Variants in DCC observed in about 807,000 individuals in gnomAD.
DCC encodes netrin receptor DCC.
DCC carries 58 observed loss-of-function variants against 172.5 expected under a neutral mutation model. That is an observed-to-expected ratio of 0.34 (90% CI 0.27 to 0.42). The LOEUF (loss-of-function observed/expected upper bound fraction) is 0.42. Ranked by LOEUF, DCC falls within the 10% of genes least tolerant of loss-of-function variation. DCC has a pLI of 1.00. For synonymous variants in DCC, 709 were observed against 644.5 expected, an observed-to-expected ratio of 1.10 and a Z score of -1.52; for missense variants, 1,740 against 1,791.0, an observed-to-expected ratio of 0.97 and a Z score of 0.51.
chr18:52,736,047 T>A (rs914163744), intron 1 of DCC, among the ~76,000 whole-genome samples: 1 of 152,034 alleles, frequency 6.6e-6, no homozygotes, highest in Non-Finnish European at 1.5e-5. Context: ...TTAAACAGTG[T>A]GAGAAAAAGA....
chr18:53,485,991 T>G (rs535688428), intron 25 of DCC, among the ~76,000 whole-genome samples: 2 of 152,216 alleles, frequency 1.3e-5, no homozygotes, highest in East Asian at 3.9e-4. Flanking sequence ...GGTAGCTGAC[T>G]TAAATTTTGC....
chr18:52,957,409 TC>T (rs1273240393), intron 5 of DCC, among the ~76,000 whole-genome samples: 1 of 152,092 alleles, frequency 6.6e-6, no homozygotes, highest in Non-Finnish European at 1.5e-5. Context: ...TTGAGCTAGT[TC>T]TTAAAATATT....
chr18:53,270,710 C>A (rs2056739102), intron 12 of DCC, among the ~76,000 whole-genome samples: 1 of 151,982 alleles, frequency 6.6e-6, no homozygotes, highest in Admixed American at 6.6e-5. Flanking sequence ...CCATTGTTAT[C>A]TTTTTAAAAT....
chr18:53,499,505 A>G lies in DCC; in HGVS notation c.4106A>G (p.Gln1369Arg), dbSNP rs1404034724. The change falls in exon 27 of 29, where the codon CAG becomes CGG. Residue 1369 changes from glutamine to arginine, a missense_variant. Gln to Arg is a conservative substitution (Grantham distance 43, BLOSUM62 1). Around this residue, in one of 2 missense-constraint regions of DCC, gnomAD observed 1,732 missense variants for 1,767.4 expected, o/e 0.98. Coordinates refer to ENST00000442544, the MANE Select transcript of DCC (RefSeq NM_005215.4). Reference protein sequence around the residue: ...PKVPYTPLLSQPGPTLPKTHV... With the variant: ...PKVPYTPLLSRPGPTLPKTHV... ...GTCCCTTACACACCACTTTTGTCTCAGCCAGGTAAAGTACTCGGTTGTTCA... is the reference window on the plus strand; with the variant it reads ...GTCCCTTACACACCACTTTTGTCTCGGCCAGGTAAAGTACTCGGTTGTTCA... The G allele has an allele frequency of 1.2e-6, 2 of 1,612,362 alleles. No individual in the cohort carries two copies. Among genetic ancestry groups the G allele is most frequent in the African/African-American group, 1.3e-5 (1 of 74,894 alleles).
At chr18:53,417,289 A>T (rs1269847345) in intron 21 of DCC, among the ~76,000 whole-genome samples, 1 of 152,202 alleles carries the variant, frequency 6.6e-6, no homozygotes, top group East Asian at 1.9e-4. Flanking sequence ...TATACTATGC[A>T]GCTGCTTAAC....
At chr18:53,414,912 C>A (rs1274963205) in intron 20 of DCC, among the ~76,000 whole-genome samples, 2 of 152,082 alleles carry the variant, frequency 1.3e-5, no homozygotes, top group Non-Finnish European at 2.9e-5. Flanking sequence ...ATCAAGATAT[C>A]TTTTCATAGA....
Position 52,821,334 on chromosome 18 carries a change from C to T in DCC, c.412+68960C>T, listed in dbSNP as rs115479328. On this transcript the variant is annotated intron_variant, in intron 2 of 28. Coordinates refer to ENST00000442544, the MANE Select transcript of DCC (RefSeq NM_005215.4). ...AACCGAGGTGTATTCCTCTCTTCCC[C>T]TCCTTCATCATTTGCTTCACTATAT... Among the ~76,000 whole-genome samples the T allele has an allele frequency of 3.4e-3, 523 of 152,296 alleles. 1 individual carries two copies. The highest frequency in any genetic ancestry group is 6.8e-3 in the Middle Eastern group (2 of 294).
At chr18:52,884,626 T>A (rs545294967) in intron 2 of DCC, among the ~76,000 whole-genome samples, 1 of 152,352 alleles carries the variant, frequency 6.6e-6, no homozygotes, top group African/African-American at 2.4e-5. Context: ...TTGTTGAGTT[T>A]CTTCAAAACA....
chr18:52,408,278 G>A (rs527606338), intron 1 of DCC, among the ~76,000 whole-genome samples: 1 of 151,348 alleles, frequency 6.6e-6, no homozygotes, highest in South Asian at 2.1e-4. Flanking sequence ...TTCAACACCA[G>A]TTTTTTATAT....
chr18:53,334,162 G>T (rs11872471), intron 14 of DCC, among the ~76,000 whole-genome samples: 24,083 of 152,020 alleles, frequency 0.16, 2,356 homozygotes, highest in African/African-American at 0.27. Flanking sequence ...GCAATTTTAT[G>T]GTCTCCATGT....
chr18:53,206,445 A>C (rs932956620), intron 10 of DCC, among the ~76,000 whole-genome samples: 5 of 125,856 alleles, frequency 4.0e-5, no homozygotes, highest in South Asian at 2.4e-4. Context: ...ATATACATAT[A>C]TGTGTATATG....
At chr18:52,998,766 A>T (rs1229402491) in intron 5 of DCC, among the ~76,000 whole-genome samples, 1 of 151,972 alleles carries the variant, frequency 6.6e-6, no homozygotes, top group Non-Finnish European at 1.5e-5. Flanking sequence ...CCCTAGGATC[A>T]CTTTTACTGA....
chr18:52,416,319 T>C (rs1208401464), intron 1 of DCC, among the ~76,000 whole-genome samples: 1 of 151,710 alleles, frequency 6.6e-6, no homozygotes, highest in Non-Finnish European at 1.5e-5. Context: ...GGAATAGGTG[T>C]GGTGTGGTGC....
intron 12 of DCC, among the ~76,000 whole-genome samples, chr18:53,247,360 A>G (rs1186081920): frequency 2.0e-5 from 3 of 152,004 alleles, no homozygotes; most frequent in Non-Finnish European, 4.4e-5. Flanking sequence ...GACATCCCAT[A>G]AAATGTTGTA....
chr18:52,659,639 A>G (rs1488006096), intron 1 of DCC, among the ~76,000 whole-genome samples: 1 of 152,212 alleles, frequency 6.6e-6, no homozygotes, highest in Non-Finnish European at 1.5e-5. Flanking sequence ...GGAATGAATT[A>G]AATAATTTAG....
chr18:52,903,979 T>A (rs1279753962), intron 2 of DCC, among the ~76,000 whole-genome samples: 1 of 152,246 alleles, frequency 6.6e-6, no homozygotes. Flanking sequence ...CCTTTCGTTC[T>A]TCACCCAGTG....
intron 1 of DCC, among the ~76,000 whole-genome samples, chr18:52,658,609 T>G (rs564990786): frequency 6.6e-6 from 1 of 151,746 alleles, no homozygotes; most frequent in African/African-American, 2.4e-5. Flanking sequence ...CTGAGAAATA[T>G]GATGAGATTA....
intron 7 of DCC, among the ~76,000 whole-genome samples, chr18:53,088,687 A>G (rs1225177999): frequency 6.6e-6 from 1 of 152,214 alleles, no homozygotes; most frequent in African/African-American, 2.4e-5. Flanking sequence ...TAAAGAAAAA[A>G]AGAGAGAAGA....
intron 21 of DCC, among the ~76,000 whole-genome samples, chr18:53,430,486 T>G (rs1355834108): frequency 6.6e-6 from 1 of 152,164 alleles, no homozygotes; most frequent in Non-Finnish European, 1.5e-5. Flanking sequence ...ACTCTAGGAC[T>G]GAAATCCCAA....
Sources: allele counts gnomAD v4.1 joint callset (sites outside exome capture counted in the v4.1 genomes callset), GRCh38; gene constraint gnomAD v4.1.1; regional missense constraint gnomAD v4.1.1; transcripts MANE v1.5; gene names NCBI Gene and HGNC (gene_info 2026-07-23, HGNC 2026-07-21).